Variants in SDK1 observed in about 807,000 individuals in gnomAD.
SDK1 encodes the protein sidekick cell adhesion molecule 1.
SDK1 carries 157 observed loss-of-function variants against 245.5 expected under a neutral mutation model. The ratio of observed to expected loss-of-function variants is 0.64; its 90% CI spans 0.56 to 0.73. The LOEUF is 0.73. Among genes scored for constraint, SDK1 ranks in the 30% least tolerant of loss-of-function variants. The pLI, the probability that SDK1 is intolerant of heterozygous loss-of-function variation, is 0.00. For missense variants in SDK1, 3,583 were observed against 3,002.3 expected, an observed-to-expected ratio of 1.19 and a Z score of -4.52; for synonymous variants, 1,647 against 1,278.5, an observed-to-expected ratio of 1.29 and a Z score of -6.15.
rs144717494 is a variant in SDK1 at position 3,919,831 on chromosome 7, C to T, written c.848-31092C>T. Reference sequence around the variant, plus strand: ...GACACCGGGCTGCACTCATACCTCACGTCTCAGACACAGACTTGGACCTCA... The same window carrying T: ...GACACCGGGCTGCACTCATACCTCATGTCTCAGACACAGACTTGGACCTCA... On this transcript the variant is annotated intron_variant, in intron 5 of 44. Coordinates refer to ENST00000404826, the MANE Select transcript of SDK1 (RefSeq NM_152744.4). Among the ~76,000 whole-genome samples the T allele has an allele frequency of 3.9e-4, 60 of 152,268 alleles. 1 individual carries two copies. The East Asian group carries it at 9.5e-3, about 24-fold the overall frequency.
intron 1 of SDK1, among the ~76,000 whole-genome samples, chr7:3,321,865 G>A (rs1779824041): frequency 1.7e-5 from 2 of 117,530 alleles, no homozygotes; most frequent in Admixed American, 9.4e-5. Context: ...TTCTCTCTTT[G>A]TTTCCATTGT....
chr7:4,147,755 A>G (rs1027871705), intron 29 of SDK1, among the ~76,000 whole-genome samples: 1 of 152,214 alleles, frequency 6.6e-6, no homozygotes, highest in Non-Finnish European at 1.5e-5. Context: ...CACCCTGGGT[A>G]TCAGCACTCA....
intron 4 of SDK1, among the ~76,000 whole-genome samples, chr7:3,699,069 A>T (rs936846844): frequency 1.3e-5 from 2 of 152,148 alleles, no homozygotes; most frequent in Non-Finnish European, 2.9e-5. Context: ...GGGCTCCTGG[A>T]TGTCCACCTG....
At chr7:3,675,265 C>G (rs1783855261) in intron 4 of SDK1, among the ~76,000 whole-genome samples, 1 of 152,186 alleles carries the variant, frequency 6.6e-6, no homozygotes, top group Non-Finnish European at 1.5e-5. Context: ...CTTTCAAAAG[C>G]TATTCAAAAT....
intron 4 of SDK1, among the ~76,000 whole-genome samples, chr7:3,754,640 T>TG (rs994384636): frequency 7.0e-6 from 1 of 143,074 alleles, no homozygotes; most frequent in African/African-American, 2.7e-5. Flanking sequence ...CCCGGATTGC[T>TG]GACTGGAGAA....
chr7:4,067,847 C>A lies in SDK1; in HGVS notation c.2921C>A (p.Ala974Asp). The change falls in exon 20 of 45, where the codon GCT becomes GAT. Residue 974 changes from alanine to aspartate, a missense_variant. Transcript: ENST00000404826. ...LVWTQEDKPGAVGHLSFTEIL... is the reference protein window; with the variant it reads ...LVWTQEDKPGDVGHLSFTEIL... ...TGCTTTTAATTGGTAGAACCAGGAGCTGTGGGACATCTGAGTTTCACAGAG... is the reference window on the plus strand; with the variant it reads ...TGCTTTTAATTGGTAGAACCAGGAGATGTGGGACATCTGAGTTTCACAGAG... The A allele has an allele frequency of 6.2e-7, 1 of 1,612,168 alleles. No homozygotes were observed. The highest frequency in any genetic ancestry group is 8.5e-7 in the Non-Finnish European group (1 of 1,179,024).
At chr7:3,755,664 A>G (rs1779901356) in intron 4 of SDK1, among the ~76,000 whole-genome samples, 1 of 151,598 alleles carries the variant, frequency 6.6e-6, no homozygotes, top group Non-Finnish European at 1.5e-5. Flanking sequence ...TTTGTAACCA[A>G]CTCCTTCCCC....
intron 4 of SDK1, among the ~76,000 whole-genome samples, chr7:3,820,085 C>G (rs1192260297): frequency 6.6e-5 from 10 of 152,114 alleles, no homozygotes; most frequent in African/African-American, 2.4e-4. Context: ...TATTTTGGTG[C>G]TCAGAATGCA....
At chr7:3,765,361 C>T (rs1009928813) in intron 4 of SDK1, among the ~76,000 whole-genome samples, 11 of 152,262 alleles carry the variant, frequency 7.2e-5, no homozygotes, top group African/African-American at 2.6e-4. Flanking sequence ...GTATTTGCAT[C>T]CTTACCACCT....
intron 5 of SDK1, among the ~76,000 whole-genome samples, chr7:3,884,530 G>C (rs569442915): frequency 6.6e-5 from 10 of 152,350 alleles, no homozygotes; most frequent in African/African-American, 2.4e-4. Context: ...AGGACACTGA[G>C]TCTCAGGGAG....
chr7:3,760,088 G>T (rs1780049251), intron 4 of SDK1, among the ~76,000 whole-genome samples: 1 of 151,298 alleles, frequency 6.6e-6, no homozygotes, highest in South Asian at 2.1e-4. Context: ...GACTGTTTAC[G>T]CATTGTGCAT....
At chr7:3,678,768 T>C (rs1353753801) in intron 4 of SDK1, among the ~76,000 whole-genome samples, 1 of 152,224 alleles carries the variant, frequency 6.6e-6, no homozygotes, top group East Asian at 1.9e-4. Context: ...TTAAAATCAT[T>C]AAAATGATAG....
intron 32 of SDK1, among the ~76,000 whole-genome samples, chr7:4,163,878 A>G (rs1781329731): frequency 6.6e-6 from 1 of 152,170 alleles, no homozygotes; most frequent in Non-Finnish European, 1.5e-5. Flanking sequence ...GAAAGTGGCA[A>G]TTTATGTGAT....
intron 1 of SDK1, among the ~76,000 whole-genome samples, chr7:3,583,096 G>T (rs1026144922): frequency 6.6e-6 from 1 of 152,206 alleles, no homozygotes; most frequent in Non-Finnish European, 1.5e-5. Flanking sequence ...GGAAACTGAT[G>T]TTGGAGACCG....
chr7:3,945,868 C>T (rs1010658980), intron 5 of SDK1, among the ~76,000 whole-genome samples: 1 of 119,028 alleles, frequency 8.4e-6, no homozygotes, highest in Non-Finnish European at 1.6e-5. Flanking sequence ...CACTGCACTC[C>T]AGCCTGGGCA....
intron 5 of SDK1, among the ~76,000 whole-genome samples, chr7:3,842,456 GGGTCACTGTACTGGCATGGGTACTA>G (rs1357713538): frequency 4.0e-5 from 6 of 148,570 alleles, no homozygotes; most frequent in African/African-American, 7.9e-5. Flanking sequence ...CGTGGGTACT[GGGTCACTGTACTGGCATGGGTACTA>G]GGTCGCTGTA....
intron 1 of SDK1, among the ~76,000 whole-genome samples, chr7:3,344,386 G>T (rs1780437737): frequency 6.6e-6 from 1 of 152,118 alleles, no homozygotes; most frequent in African/African-American, 2.4e-5. Context: ...CCTAGCTCAG[G>T]ATCCAATTTT....
intron 1 of SDK1, among the ~76,000 whole-genome samples, chr7:3,486,862 ACTCTCTGC>A (rs1332906146): frequency 1.3e-5 from 2 of 152,046 alleles, no homozygotes; most frequent in Non-Finnish European, 2.9e-5. Context: ...AGGGTGCATT[ACTCTCTGC>A]CTCTCTTAAC....
chr7:4,101,335 A>G (rs1174347241), intron 22 of SDK1, among the ~76,000 whole-genome samples: 1 of 151,868 alleles, frequency 6.6e-6, no homozygotes, highest in Admixed American at 6.6e-5. Flanking sequence ...TTTAGTAGAG[A>G]CGGGAGTTTC....
Sources: gnomAD v4.1 joint callset for allele counts (sites outside exome capture counted in the v4.1 genomes callset) on GRCh38, gnomAD v4.1.1 for gene constraint, MANE v1.5 for transcripts, NCBI Gene and HGNC (gene_info 2026-07-23, HGNC 2026-07-21) for gene names.